PRKN: variants seen among roughly 807,000 people sequenced by gnomAD.
PRKN encodes the protein E3 ubiquitin-protein ligase parkin.
PRKN carries 56 observed loss-of-function variants against 59.5 expected under a neutral mutation model. That is an observed-to-expected ratio of 0.94 (90% CI 0.76 to 1.18). PRKN has a LOEUF of 1.18. PRKN is among the 50% of genes most tolerant of loss of function. The pLI, the probability that PRKN is intolerant of heterozygous loss-of-function variation, is 0.00. For synonymous variants in PRKN, 250 were observed against 222.1 expected, an observed-to-expected ratio of 1.13 and a Z score of -1.12; for missense variants, 657 against 596.4, an observed-to-expected ratio of 1.10 and a Z score of -1.06.
At chr6:161,703,608 G>T (rs1440835899) in intron 7 of PRKN, among the ~76,000 whole-genome samples, 1 of 152,106 alleles carries the variant, frequency 6.6e-6, no homozygotes, top group Admixed American at 6.5e-5. Context: ...ACCTCTGCCA[G>T]GCTTAGCTCT....
intron 7 of PRKN, among the ~76,000 whole-genome samples, chr6:161,719,274 TAAAG>T (rs1474594524): frequency 5.3e-5 from 8 of 150,602 alleles, no homozygotes; most frequent in Admixed American, 2.0e-4. Context: ...GCAGGAGAAA[TAAAG>T]AAAGTAAAGA....
intron 9 of PRKN, among the ~76,000 whole-genome samples, chr6:161,540,656 T>C (rs1036256611): frequency 6.6e-6 from 1 of 152,182 alleles, no homozygotes; most frequent in Non-Finnish European, 1.5e-5. Context: ...AAGCAAGCCA[T>C]CTGAATCCCA....
intron 6 of PRKN, among the ~76,000 whole-genome samples, chr6:161,862,750 G>A (rs9295172): frequency 0.43 from 65,898 of 151,546 alleles, 14,477 homozygotes; most frequent in Admixed American, 0.47. Context: ...ATTCAGAGGC[G>A]AGAAGGAGTC....
chr6:161,956,276 T>C (rs1392902216), intron 6 of PRKN, among the ~76,000 whole-genome samples: 1 of 152,182 alleles, frequency 6.6e-6, no homozygotes, highest in Non-Finnish European at 1.5e-5. Flanking sequence ...ATGGAAAATG[T>C]TCACCAAAGG....
intron 1 of PRKN, among the ~76,000 whole-genome samples, chr6:162,626,074 A>G (rs1043120108): frequency 1.3e-5 from 2 of 152,244 alleles, no homozygotes; most frequent in African/African-American, 4.8e-5. Flanking sequence ...TACAATAGGT[A>G]TCGCTGGCAA....
chr6:162,262,461 TC>T, intron 3 of PRKN, 63 bp downstream of exon 3: 1 of 1,597,944 alleles, frequency 6.3e-7, no homozygotes, highest in African/African-American at 1.3e-5. Flanking sequence ...GAGGCCATGC[TC>T]CATGCAGACT....
chr6:162,705,566 T>C (rs1170888681), intron 1 of PRKN, among the ~76,000 whole-genome samples: 1 of 152,148 alleles, frequency 6.6e-6, no homozygotes. Context: ...CCATCAGTCA[T>C]GGAAAGACAT....
intron 2 of PRKN, chr6:162,275,489 A>C (rs1286501761): frequency 3.9e-5 from 6 of 152,186 alleles, no homozygotes; most frequent in Non-Finnish European, 5.9e-5. Flanking sequence ...AGCATTATTA[A>C]AAAATTATAG....
At chr6:162,512,405 A>C (rs1313985045) in intron 1 of PRKN, among the ~76,000 whole-genome samples, 1 of 152,202 alleles carries the variant, frequency 6.6e-6, no homozygotes, top group Admixed American at 6.5e-5. Context: ...GAAATAATTA[A>C]TGCTAGTCTC....
At chr6:161,759,767 G>T (rs4288182) in intron 7 of PRKN, among the ~76,000 whole-genome samples, 1 of 151,844 alleles carries the variant, frequency 6.6e-6, no homozygotes, top group Non-Finnish European at 1.5e-5. Flanking sequence ...ACAGCCAATG[G>T]TCACCACATT....
In PRKN at chr6:161,760,074, TA is replaced by T. The variant is rs35172919; in HGVS notation, c.871+25697del. 6.6e-3 allele frequency among the ~76,000 whole-genome samples: 973 copies of T among 146,772 alleles called. 11 individuals are homozygous for T. The highest frequency in any genetic ancestry group is 0.023 in the African/African-American group (908 of 39,700). On this transcript the variant is annotated intron_variant, in intron 7 of 11. Coordinates refer to ENST00000366898, the MANE Select transcript of PRKN (RefSeq NM_004562.3). ...ACCCTTTTACCACACAGCTCGTTCT[TA>T]AAAAAAAAAAAAATCCGGTGGTCAC... is the stretch of plus-strand genomic sequence containing the variant.
chr6:161,719,838 C>A (rs1011926026), intron 7 of PRKN, among the ~76,000 whole-genome samples: 1 of 152,196 alleles, frequency 6.6e-6, no homozygotes, highest in African/African-American at 2.4e-5. Flanking sequence ...CGCTATGGTG[C>A]CCAAGCTGGT....
At chr6:162,355,750 A>G (rs1784832015) in intron 2 of PRKN, among the ~76,000 whole-genome samples, 1 of 152,080 alleles carries the variant, frequency 6.6e-6, no homozygotes, top group Admixed American at 6.6e-5. Flanking sequence ...ATGGATTCTA[A>G]CATTCATCTC....
chr6:161,639,509 G>A (rs1292165617), intron 7 of PRKN, among the ~76,000 whole-genome samples: 2 of 152,158 alleles, frequency 1.3e-5, no homozygotes, highest in African/African-American at 4.8e-5. Flanking sequence ...AAATTTGGGA[G>A]CTAAACCTGG....
At chr6:161,700,425 T>A (rs1477221407) in intron 7 of PRKN, among the ~76,000 whole-genome samples, 3 of 152,120 alleles carry the variant, frequency 2.0e-5, no homozygotes, top group Admixed American at 2.0e-4. Flanking sequence ...GAACTTCCCA[T>A]CAGCACTTCT....
intron 1 of PRKN, among the ~76,000 whole-genome samples, chr6:162,556,352 T>G (rs1434926555): frequency 3.4e-5 from 2 of 58,318 alleles, no homozygotes; most frequent in Non-Finnish European, 8.1e-5. Flanking sequence ...GGTGTGTGTG[T>G]GTGTGTGTGT....
chr6:162,242,059 C>T (rs1779010588), intron 3 of PRKN, among the ~76,000 whole-genome samples: 1 of 151,896 alleles, frequency 6.6e-6, no homozygotes, highest in South Asian at 2.1e-4. Flanking sequence ...TAAGGAGCCA[C>T]AAAAGACACT....
chr6:161,574,625 A>G (rs1361751594), intron 7 of PRKN, among the ~76,000 whole-genome samples: 2 of 152,146 alleles, frequency 1.3e-5, no homozygotes, highest in Non-Finnish European at 2.9e-5. Flanking sequence ...CTCATTCTGA[A>G]AAGTTAAAAA....
chr6:162,149,603 C>T (rs1465305222), intron 4 of PRKN, among the ~76,000 whole-genome samples: 1 of 152,088 alleles, frequency 6.6e-6, no homozygotes, highest in African/African-American at 2.4e-5. Context: ...AGGTTGCCAT[C>T]CTGTACTGTT....
Sources: gnomAD v4.1 joint callset for allele counts (sites outside exome capture counted in the v4.1 genomes callset) on GRCh38, gnomAD v4.1.1 for gene constraint, MANE v1.5 for transcripts, NCBI Gene and HGNC (gene_info 2026-07-23, HGNC 2026-07-21) for gene names.